STS: variants seen among roughly 807,000 people sequenced by gnomAD.
STS encodes steroid sulfatase.
Under a neutral mutation model 26.8 loss-of-function variants are expected in STS, and 7 were observed. The observed-to-expected ratio is 0.26, with a 90% confidence interval of 0.15 to 0.49. The LOEUF is 0.49. Among genes scored for constraint, STS ranks in the 20% least tolerant of loss-of-function variants. The pLI is 0.98. For synonymous variants in STS, 199 were observed against 189.4 expected (o/e 1.05, Z -0.42); for missense variants, 434 against 465.6 (o/e 0.93, Z 0.63).
intron 7 of STS, among the ~76,000 whole-genome samples, chrX:7,278,847 T>A (rs1203220968): frequency 1.8e-5 from 2 of 111,702 alleles, no homozygotes; most frequent in Non-Finnish European, 3.8e-5. Flanking sequence ...AGGCTTTTGG[T>A]CCCATAAAGG....
intron 6 of STS, among the ~76,000 whole-genome samples, chrX:7,271,919 G>C (rs1020549918): frequency 9.1e-6 from 1 of 110,046 alleles, no homozygotes; most frequent in Non-Finnish European, 1.9e-5. Context: ...GCCTGGCTTA[G>C]CTCTAACCCA....
At chrX:7,297,288 C>G (rs761586381) in intron 7 of STS, among the ~76,000 whole-genome samples, 1 of 105,971 alleles carries the variant, frequency 9.4e-6, no homozygotes. Flanking sequence ...ATTCTCAGAT[C>G]CCCACTCTAG....
chrX:7,150,821 A>G (rs1439084059), intron 1 of STS, among the ~76,000 whole-genome samples: 1 of 112,072 alleles, frequency 8.9e-6, no homozygotes, highest in African/African-American at 3.2e-5. Flanking sequence ...TGTTCTAGCA[A>G]TGTGGTTTGT....
intron 9 of STS, 55 bp downstream of exon 9, chrX:7,325,553 A>G (rs1927400221): frequency 2.5e-6 from 3 of 1,184,686 alleles, no homozygotes; most frequent in Non-Finnish European, 3.4e-6. Flanking sequence ...ACAGCCCAGT[A>G]TGCTCTGGTT....
At chrX:7,250,751 G>A (rs1923101073) in intron 2 of STS, among the ~76,000 whole-genome samples, 1 of 112,445 alleles carries the variant, frequency 8.9e-6, no homozygotes, top group South Asian at 3.6e-4. Context: ...CCTTAATTCA[G>A]TATTTGGATA....
chrX:7,230,936 A>G (rs1922031738), intron 2 of STS, among the ~76,000 whole-genome samples: 1 of 112,230 alleles, frequency 8.9e-6, no homozygotes, highest in African/African-American at 3.2e-5. Flanking sequence ...GTGAGCCTAG[A>G]AAACATCATG....
intron 8 of STS, among the ~76,000 whole-genome samples, chrX:7,324,536 T>G (rs1225361790): frequency 9.0e-6 from 1 of 111,553 alleles, no homozygotes. Flanking sequence ...TATTTTGGGG[T>G]AAACTACTTC....
chrX:7,261,056 A>T (rs1401400620), intron 6 of STS, among the ~76,000 whole-genome samples: 2 of 111,293 alleles, frequency 1.8e-5, no homozygotes, highest in African/African-American at 6.5e-5. Context: ...AGTAGATATA[A>T]TTAAGTAGAT....
In STS at chrX:7,306,401, G is replaced by A. The variant is rs144046210; in HGVS notation, c.1081+1218G>A. On this transcript the variant is annotated intron_variant, in intron 8 of 10. Transcript: ENST00000674429. The stretch of plus-strand genomic sequence containing the variant: ...AAGAGATGACGCCTTAACCAAAAGG[G>A]GAGGGTGAATCACAGTTTACCTGCA... Among the ~76,000 whole-genome samples the A allele has an allele frequency of 1.0e-3, 114 of 111,442 alleles. No individual in the cohort carries two copies. The East Asian group carries it at 0.032, about 31-fold the overall frequency.
chrX:7,184,732 G>C (rs1450271029), intron 1 of STS, among the ~76,000 whole-genome samples: 1 of 111,566 alleles, frequency 9.0e-6, no homozygotes, highest in Non-Finnish European at 1.9e-5. Flanking sequence ...AGCAGGTGAG[G>C]GCAACATTCA....
chrX:7,184,337 G>C (rs1242694682), intron 1 of STS, among the ~76,000 whole-genome samples: 1 of 112,352 alleles, frequency 8.9e-6, no homozygotes. Flanking sequence ...TTTCCATCGT[G>C]GTCTTGAAAT....
chrX:7,253,313 G>C lies in STS; in HGVS notation c.114G>C (p.Gly38=), dbSNP rs1923236747. The change falls in exon 3 of 11, where the codon GGG becomes GGC. Residue 38 remains glycine, a synonymous_variant. Transcript: ENST00000674429. ...MADDLGIGDP[G]CYGNKTIRTP... is the part of the protein sequence containing the mutation. Reference sequence around the variant, plus strand: ...ACGACCTCGGCATTGGAGATCCTGGGTGCTATGGGAACAAAACTATCAGGT... The same window carrying C: ...ACGACCTCGGCATTGGAGATCCTGGCTGCTATGGGAACAAAACTATCAGGT... 3 of 1,211,488 alleles carry C rather than the reference G, an allele frequency of 2.5e-6. No homozygotes were observed. Among genetic ancestry groups the C allele is most frequent in the African/African-American group, 1.7e-5 (1 of 57,682 alleles).
At chrX:7,206,256 G>C (rs946034953) in intron 2 of STS, among the ~76,000 whole-genome samples, 4 of 112,047 alleles carry the variant, frequency 3.6e-5, no homozygotes, top group Admixed American at 9.4e-5. Context: ...TTGGGACCTG[G>C]TTATGATATC....
intron 2 of STS, among the ~76,000 whole-genome samples, chrX:7,242,890 T>C (rs974960460): frequency 9.0e-6 from 1 of 111,646 alleles, no homozygotes; most frequent in Admixed American, 9.5e-5. Flanking sequence ...CATACAATCA[T>C]AGAACCACCA....
At chrX:7,329,170 C>T (rs1456090217) in intron 9 of STS, among the ~76,000 whole-genome samples, 2 of 112,388 alleles carry the variant, frequency 1.8e-5, no homozygotes, top group African/African-American at 6.5e-5. Flanking sequence ...TTATTTAAAG[C>T]ATATTGCCAA....
In STS at chrX:7,350,303, C is replaced by G; in HGVS notation, c.*42C>G. The stretch of plus-strand genomic sequence containing the variant: ...GACAGACGCATGTGGCAAAGCTCAC[C>G]ATCTTCACTACAAACACGCCTGAGA... On this transcript the variant is annotated 3_prime_UTR_variant, in exon 11 of 11. Coordinates refer to ENST00000674429, the MANE Select transcript of STS (RefSeq NM_001320752.2). 8.4e-7 allele frequency: 1 copy of G among 1,188,028 alleles called. No individual in the cohort carries two copies. The highest frequency in any genetic ancestry group is 1.7e-5 in the African/African-American group (1 of 57,457).
chrX:7,298,520 G>A (rs765624367), intron 7 of STS, among the ~76,000 whole-genome samples: 3 of 111,475 alleles, frequency 2.7e-5, no homozygotes, highest in Admixed American at 9.6e-5. Context: ...ATACCCTGAT[G>A]TATGGGACAT....
At chrX:7,181,600 C>G (rs1027942025) in intron 1 of STS, among the ~76,000 whole-genome samples, 1 of 111,981 alleles carries the variant, frequency 8.9e-6, no homozygotes, top group East Asian at 2.8e-4. Flanking sequence ...GGCATCCCCA[C>G]CAGACACCTA....
At chrX:7,296,165 G>C (rs1236343910) in intron 7 of STS, among the ~76,000 whole-genome samples, 1 of 111,554 alleles carries the variant, frequency 9.0e-6, no homozygotes, top group East Asian at 2.8e-4. Flanking sequence ...TATTGCTGGA[G>C]AAGTTCTGGC....
Sources: gnomAD v4.1 joint callset for allele counts (sites outside exome capture counted in the v4.1 genomes callset) on GRCh38, gnomAD v4.1.1 for gene constraint, MANE v1.5 for transcripts, NCBI Gene and HGNC (gene_info 2026-07-23, HGNC 2026-07-21) for gene names.